The following CDC14B variants were observed in gnomAD, a reference collection of about 807,000 sequenced individuals.
The protein encoded by CDC14B is dual specificity protein phosphatase CDC14B.
In CDC14B, 22 loss-of-function variants were observed where a neutral mutation model predicts 64.2. The observed-to-expected ratio is 0.34, with a 90% confidence interval of 0.24 to 0.49. The LOEUF is 0.49. CDC14B is among the 20% of genes least tolerant of loss of function. The probability of loss-of-function intolerance (pLI) is 0.99; values close to 1 mark genes in which losing one functional copy is unlikely to be tolerated. For missense variants in CDC14B, 498 were observed against 629.9 expected, an observed-to-expected ratio of 0.79 and a Z score of 2.24; for synonymous variants, 191 against 215.8, an observed-to-expected ratio of 0.89 and a Z score of 1.01.
chr9:96,527,640 G>A (rs918630054), intron 9 of CDC14B, among the ~76,000 whole-genome samples: 1 of 151,384 alleles, frequency 6.6e-6, no homozygotes, highest in Non-Finnish European at 1.5e-5. Context: ...TTTTGAGATG[G>A]AGTCTTGCTC....
At chr9:96,504,118 G>A (rs574304551) in intron 13 of CDC14B, among the ~76,000 whole-genome samples, 4 of 152,324 alleles carry the variant, frequency 2.6e-5, no homozygotes, top group South Asian at 2.1e-4. Context: ...CCAGGGGCAC[G>A]TGCTGCAAAG....
chr9:96,540,810 C>T (rs1415312110), intron 6 of CDC14B, among the ~76,000 whole-genome samples: 1 of 152,118 alleles, frequency 6.6e-6, no homozygotes, highest in Non-Finnish European at 1.5e-5. Context: ...ACCAGTGCCC[C>T]ATACCTGCCC....
At chr9:96,550,936 G>A (rs979498054) in intron 5 of CDC14B, among the ~76,000 whole-genome samples, 10 of 151,922 alleles carry the variant, frequency 6.6e-5, no homozygotes, top group African/African-American at 2.4e-5. Context: ...CAACCTTATC[G>A]ACTGTCTCTA....
intron 13 of CDC14B, among the ~76,000 whole-genome samples, chr9:96,505,856 G>A (rs1834053686): frequency 6.6e-6 from 1 of 152,228 alleles, no homozygotes; most frequent in Admixed American, 6.5e-5. Context: ...TACACGAGGG[G>A]ATAGTCATCT....
intron 9 of CDC14B, among the ~76,000 whole-genome samples, chr9:96,531,946 T>C (rs950530394): frequency 2.0e-5 from 3 of 152,126 alleles, no homozygotes; most frequent in Non-Finnish European, 4.4e-5. Flanking sequence ...AAGTCAGATC[T>C]AGTGATTAAA....
At chr9:96,508,014 ATTT>A (rs905717510) in intron 13 of CDC14B, among the ~76,000 whole-genome samples, 1 of 146,386 alleles carries the variant, frequency 6.8e-6, no homozygotes, top group Non-Finnish European at 1.5e-5. Context: ...ATACTTCAGA[ATTT>A]TTTTTTTTTC....
At chr9:96,599,427 C>T (rs963937312) in intron 1 of CDC14B, among the ~76,000 whole-genome samples, 8 of 151,868 alleles carry the variant, frequency 5.3e-5, no homozygotes, top group Non-Finnish European at 1.0e-4. Flanking sequence ...TAGTTACATT[C>T]CATTGGATTT....
chr9:96,495,449 C>T (rs544239878), downstream of CDC14B, among the ~76,000 whole-genome samples: 1 of 142,682 alleles, frequency 7.0e-6, no homozygotes, highest in East Asian at 2.5e-4. Context: ...TTCAGTGTGC[C>T]TGGCACTCCC....
At chr9:96,601,532 C>T (rs1846454864) in intron 1 of CDC14B, among the ~76,000 whole-genome samples, 1 of 148,580 alleles carries the variant, frequency 6.7e-6, no homozygotes, top group Admixed American at 6.7e-5. Flanking sequence ...GCGTGGCACA[C>T]CTGTAGTAAA....
At chr9:96,594,226 C>A (rs1365929541) in intron 1 of CDC14B, among the ~76,000 whole-genome samples, 1 of 152,168 alleles carries the variant, frequency 6.6e-6, no homozygotes, top group Admixed American at 6.5e-5. Context: ...TAAACTGAGG[C>A]AGAACCTGGC....
At chr9:96,556,356 C>A (rs1842506100) in intron 4 of CDC14B, among the ~76,000 whole-genome samples, 1 of 151,516 alleles carries the variant, frequency 6.6e-6, no homozygotes, top group African/African-American at 2.4e-5. Flanking sequence ...AAAAAAAAAT[C>A]ACTCTCTCCA....
At chr9:96,538,839 G>A (rs1664308066) in intron 7 of CDC14B, 2 of 425,368 alleles carry the variant, frequency 4.7e-6, no homozygotes. Flanking sequence ...TGTACTGTAT[G>A]CTTGAAATCT....
intron 3 of CDC14B, among the ~76,000 whole-genome samples, chr9:96,563,699 A>G (rs1390172766): frequency 1.3e-5 from 2 of 151,810 alleles, no homozygotes; most frequent in Non-Finnish European, 2.9e-5. Flanking sequence ...AAGGACTGAT[A>G]CATTTTTGGT....
At position 96,564,818 on chromosome 9, in the gene CDC14B, T is replaced by C. The variant is rs764703670; in HGVS notation, c.286A>G (p.Met96Val). 1.8e-5 allele frequency: 29 copies of C among 1,604,818 alleles called. No individual in the cohort carries two copies. Among genetic ancestry groups the C allele is most frequent in the South Asian group, 1.1e-5 (1 of 89,452 alleles). The change falls in exon 3 of 14, where the codon ATG becomes GTG. Residue 96 changes from methionine (M) to valine (V), a missense_variant. Met to Val is a conservative substitution (Grantham distance 21, BLOSUM62 1). Transcript: ENST00000375241. Reference protein sequence around the residue: ...YADFGPLNLAMVYRYCCKINK... With the variant: ...YADFGPLNLAVVYRYCCKINK... ...ATCTTGCAACAATATCTGTAAACCA[T>C]TGCCAGATTGAGTGGTCCAAAATCT...
intron 11 of CDC14B, 61 bp downstream of exon 11, chr9:96,523,200 T>C: frequency 6.4e-7 from 1 of 1,551,610 alleles, no homozygotes; most frequent in Non-Finnish European, 8.9e-7. Context: ...CTCCATACCC[T>C]GACAGGTTCT....
At chr9:96,497,040 C>T (rs1164530768), downstream of CDC14B, among the ~76,000 whole-genome samples, 4 of 152,210 alleles carry the variant, frequency 2.6e-5, no homozygotes, top group African/African-American at 7.2e-5. Flanking sequence ...CGTCGTTTAA[C>T]ACAGAGAAAC....
intron 12 of CDC14B, among the ~76,000 whole-genome samples, 198 bp downstream of exon 12, chr9:96,522,308 C>A (rs1351637456): frequency 2.6e-5 from 4 of 152,142 alleles, no homozygotes; most frequent in South Asian, 2.1e-4. Flanking sequence ...CATAAAGGCT[C>A]ATGAGGACCA....
rs1833741258 is a variant in CDC14B at position 96,503,624 on chromosome 9, T to C, written c.*129A>G. The stretch of plus-strand genomic sequence containing the variant: ...CAAACTCCAGTGGACATTTTCTCCA[T>C]TGATCAACTTCTTAGGTGGAAAAAG... On this transcript the variant is annotated 3_prime_UTR_variant, in exon 14 of 14. Coordinates refer to ENST00000375241, the MANE Select transcript of CDC14B (RefSeq NM_033331.4). The C allele has an allele frequency of 1.3e-6, 1 of 758,852 alleles. No homozygotes were observed. The allele number at this position is 758,852 out of a possible 1,614,324, so 47.0% of individuals were successfully genotyped here. A position where few individuals can be genotyped will look rare whatever the true frequency, so the allele number is the denominator to read the frequency against.
intron 1 of CDC14B, among the ~76,000 whole-genome samples, chr9:96,598,612 G>C (rs1846237555): frequency 6.6e-6 from 1 of 152,106 alleles, no homozygotes; most frequent in Non-Finnish European, 1.5e-5. Flanking sequence ...TGGGATTATA[G>C]GTGTGAGCCA....
Sources: allele counts gnomAD v4.1 joint callset (sites outside exome capture counted in the v4.1 genomes callset), GRCh38; gene constraint gnomAD v4.1.1; transcripts MANE v1.5; gene names NCBI Gene and HGNC (gene_info 2026-07-23, HGNC 2026-07-21).